PALLD: variants seen among roughly 807,000 people sequenced by gnomAD.
PALLD encodes the protein palladin, cytoskeletal associated protein.
Under a neutral mutation model 123.5 loss-of-function variants are expected in PALLD, and 61 were observed. The observed-to-expected ratio is 0.49, with a 90% confidence interval of 0.40 to 0.61. The LOEUF (loss-of-function observed/expected upper bound fraction) is 0.61, where lower values mean the gene tolerates loss of function less well. Among genes scored for constraint, PALLD ranks in the 20% least tolerant of loss-of-function variants. The pLI, the probability that PALLD is intolerant of heterozygous loss-of-function variation, is 0.00. For synonymous variants in PALLD, 465 were observed against 496.4 expected, an observed-to-expected ratio of 0.94 and a Z score of 0.84; for missense variants, 1,273 against 1,377.0, an observed-to-expected ratio of 0.92 and a Z score of 1.20.
intron 2 of PALLD, among the ~76,000 whole-genome samples, chr4:168,599,900 TCA>T (rs10546577): frequency 0.38 from 57,632 of 151,746 alleles, 12,551 homozygotes; most frequent in African/African-American, 0.61. Context: ...TGTGTGTATA[TCA>T]CACACACACA....
At chr4:168,684,435 G>T (rs1261009987) in intron 5 of PALLD, among the ~76,000 whole-genome samples, 1 of 152,148 alleles carries the variant, frequency 6.6e-6, no homozygotes, top group Non-Finnish European at 1.5e-5. Flanking sequence ...CCCTGGGTTT[G>T]AATCCCAGTT....
intron 8 of PALLD, among the ~76,000 whole-genome samples, chr4:168,703,098 C>A (rs148641359): frequency 1.5e-5 from 2 of 133,798 alleles, no homozygotes; most frequent in African/African-American, 5.8e-5. Context: ...GTGATATTCC[C>A]CTTCCTGTGT....
chr4:168,857,630 G>A (rs1044130556), intron 10 of PALLD, among the ~76,000 whole-genome samples: 4 of 152,094 alleles, frequency 2.6e-5, no homozygotes, highest in Admixed American at 2.6e-4. Flanking sequence ...ATATGCTGAC[G>A]GCTGAGAGCA....
At chr4:168,699,810 T>C (rs1248248955) in intron 8 of PALLD, among the ~76,000 whole-genome samples, 1 of 152,138 alleles carries the variant, frequency 6.6e-6, no homozygotes, top group African/African-American at 2.4e-5. Flanking sequence ...AGTAATTTAT[T>C]AAATGCCCTC....
chr4:168,815,751 A>G (rs1186723758), intron 10 of PALLD, among the ~76,000 whole-genome samples: 1 of 152,238 alleles, frequency 6.6e-6, no homozygotes, highest in East Asian at 1.9e-4. Context: ...GGGAAGGTAC[A>G]GACCATTTTC....
In PALLD at chr4:168,557,654, A is replaced by G. The variant is rs143441524; in HGVS notation, c.908+45242A>G. On this transcript the variant is annotated intron_variant, in intron 2 of 21. Coordinates refer to ENST00000505667, the MANE Select transcript of PALLD (RefSeq NM_001166108.2). The stretch of plus-strand genomic sequence containing the variant: ...TTCCTGTGTCCCAATGTGGAAACAC[A>G]TAGACACTATCCACTGTTACGTAAG... Among the ~76,000 whole-genome samples the G allele has an allele frequency of 4.1e-4, 63 of 152,306 alleles. No homozygotes were observed. In the East Asian group the frequency reaches 4.4e-3, roughly 11 times the overall value.
At chr4:168,595,305 A>T (rs1457383936) in intron 2 of PALLD, among the ~76,000 whole-genome samples, 1 of 152,156 alleles carries the variant, frequency 6.6e-6, no homozygotes, top group Non-Finnish European at 1.5e-5. Flanking sequence ...ATATTTTGGC[A>T]AGTGTGAAAG....
chr4:168,903,922 G>A lies in PALLD; in HGVS notation c.2622+16G>A. ...AAACCCTCAGGTAAAGAAGGGTATA[G>A]GTCTGGGCTCAGTTCTGTGTCTAGT... On this transcript the variant is annotated intron_variant, in intron 15 of 21. Transcript: ENST00000505667. The A allele has an allele frequency of 6.2e-7, 1 of 1,611,964 alleles. No homozygotes were observed. The highest frequency in any genetic ancestry group is 1.1e-5 in the South Asian group (1 of 91,050).
At position 168,690,752 on chromosome 4, in the gene PALLD, G is replaced by A; in HGVS notation, c.1477+8G>A. 6.2e-7 allele frequency: 1 copy of A among 1,614,016 alleles called. No individual in the cohort carries two copies. The highest frequency in any genetic ancestry group is 8.5e-7 in the Non-Finnish European group (1 of 1,179,886). On this transcript the variant is annotated splice_region_variant and intron_variant, in intron 7 of 21. Transcript: ENST00000505667. ...TCCGAATTCTACAGAAAAGTAAGGA[G>A]AAGTGCCCATGTCCCCAAATCTGAC...
At chr4:168,898,344 C>T in intron 13 of PALLD, 149 bp from the exon 14 acceptor site, 22 of 671,544 alleles carry the variant, frequency 3.3e-5, no homozygotes, top group Middle Eastern at 7.9e-4. Context: ...TTTTTTGTTT[C>T]ATATGCAATT....
chr4:168,654,513 G>A (rs997292686), intron 2 of PALLD, among the ~76,000 whole-genome samples: 1 of 152,188 alleles, frequency 6.6e-6, no homozygotes, highest in Non-Finnish European at 1.5e-5. Flanking sequence ...ATCTAAATCT[G>A]TATCAAGTGA....
At chr4:168,566,528 T>C (rs2149592884) in intron 2 of PALLD, among the ~76,000 whole-genome samples, 1 of 152,114 alleles carries the variant, frequency 6.6e-6, no homozygotes, top group East Asian at 1.9e-4. Flanking sequence ...AAACTCCTAG[T>C]CCTATGAGTT....
chr4:168,682,879 A>C, intron 4 of PALLD, 119 bp from the exon 5 acceptor site: 1 of 664,108 alleles, frequency 1.5e-6, no homozygotes, highest in Non-Finnish European at 2.7e-6. Context: ...TTGCGTATAC[A>C]AAAAGAAACC....
intron 2 of PALLD, among the ~76,000 whole-genome samples, chr4:168,650,537 T>G (rs1777936030): frequency 6.6e-6 from 1 of 152,252 alleles, no homozygotes; most frequent in South Asian, 2.1e-4. Flanking sequence ...ATGAACATTC[T>G]TGTCTTTCCT....
At chr4:168,598,724 CT>C in intron 2 of PALLD, 1 of 401,810 alleles carries the variant, frequency 2.5e-6, no homozygotes. Context: ...CCCTTGCCTC[CT>C]ATCTGGACCT....
chr4:168,897,870 T>G (rs1337617309), intron 13 of PALLD: 1 of 152,142 alleles, frequency 6.6e-6, no homozygotes, highest in East Asian at 1.9e-4. Flanking sequence ...GTCCTATTTT[T>G]TCTTCTAAAG....
intron 2 of PALLD, among the ~76,000 whole-genome samples, chr4:168,562,603 C>T (rs374602440): frequency 6.6e-6 from 1 of 151,870 alleles, no homozygotes; most frequent in South Asian, 2.1e-4. Context: ...GGGAGATCTC[C>T]CTGAGAAAGA....
chr4:168,615,743 G>A (rs1051059059), intron 2 of PALLD, among the ~76,000 whole-genome samples: 1 of 152,070 alleles, frequency 6.6e-6, no homozygotes, highest in Admixed American at 6.5e-5. Context: ...TATCTTTGAG[G>A]TATCACTCAC....
intron 2 of PALLD, among the ~76,000 whole-genome samples, chr4:168,587,272 C>A (rs1459517951): frequency 6.6e-6 from 1 of 152,190 alleles, no homozygotes; most frequent in Non-Finnish European, 1.5e-5. Context: ...GATAGTCAAT[C>A]CCCAGTGGAG....
Sources: allele counts gnomAD v4.1 joint callset (sites outside exome capture counted in the v4.1 genomes callset), GRCh38; gene constraint gnomAD v4.1.1; transcripts MANE v1.5; gene names NCBI Gene and HGNC (gene_info 2026-07-23, HGNC 2026-07-21).